The following WNT8A variants were observed in gnomAD, a reference collection of about 807,000 sequenced individuals.
WNT8A encodes the protein protein Wnt-8a.
In WNT8A, 14 loss-of-function variants were observed where a neutral mutation model predicts 20.5. The ratio of observed to expected loss-of-function variants is 0.68; its 90% CI spans 0.45 to 1.07. The LOEUF is 1.07. Ranked by LOEUF, WNT8A falls within the 50% of genes least tolerant of loss-of-function variation. The pLI is 0.00. For synonymous variants in WNT8A, 167 were observed against 169.2 expected (o/e 0.99, Z 0.10); for missense variants, 397 against 462.9 (o/e 0.86, Z 1.31).
At chr5:138,090,399 G>A (rs984405648) in intron 4 of WNT8A, 129 bp from the exon 5 acceptor site, 25 of 830,080 alleles carry the variant, frequency 3.0e-5, no homozygotes, top group South Asian at 1.1e-4. Context: ...AATATTTTTC[G>A]TGAGCTTCCC....
the WNT8A span, among the ~76,000 whole-genome samples, chr5:138,077,808 A>G: frequency 6.6e-6 from 1 of 152,102 alleles, no homozygotes; most frequent in South Asian, 2.1e-4. Context: ...ACACGTCCCT[A>G]TCCTTGGGCG....
chr5:138,089,170 C>T, intron 4 of WNT8A, 101 bp downstream of exon 4: 1 of 1,479,696 alleles, frequency 6.8e-7, no homozygotes, highest in South Asian at 1.4e-5. Context: ...CTCATACTAC[C>T]CAGCCAGATT....
upstream of WNT8A, among the ~76,000 whole-genome samples, chr5:138,080,452 T>G (rs111706108): frequency 3.1e-3 from 134 of 43,818 alleles, no homozygotes; most frequent in Middle Eastern, 0.017. Context: ...TTGTTTTTTT[T>G]TTTTTTTTTT....
upstream of WNT8A, among the ~76,000 whole-genome samples, chr5:138,079,885 T>G (rs1750459752): frequency 6.6e-6 from 1 of 152,216 alleles, no homozygotes; most frequent in Non-Finnish European, 1.5e-5. Flanking sequence ...AGGAAACCTC[T>G]GTCTGCAGTG....
chr5:138,090,562 G>C lies in WNT8A; in HGVS notation c.599G>C (p.Cys200Ser). 1 of 1,614,092 alleles carries C rather than the reference G, an allele frequency of 6.2e-7. No homozygotes were observed. The highest frequency in any genetic ancestry group is 8.5e-7 in the Non-Finnish European group (1 of 1,179,960). Residue 200 changes from cysteine (C) to serine (S), a missense_variant, in exon 5 of 5, where the codon TGT becomes TCT. Physicochemically the swap from Cys to Ser is moderately radical, Grantham distance 112. Transcript: ENST00000506684. ...GCCACCATGAAAAGGACATGCAAAT[G>C]TCATGGCATCTCTGGGAGCTGCAGC... ...VRATMKRTCK[C>S]HGISGSCSIQ...
chr5:138,087,479 C>A (rs1750703080), intron 2 of WNT8A, among the ~76,000 whole-genome samples: 1 of 151,262 alleles, frequency 6.6e-6, no homozygotes, highest in Non-Finnish European at 1.5e-5. Context: ...AAGGTGAAAC[C>A]CCATCTCTAC....
At chr5:138,092,035 G>A (rs4835763), downstream of WNT8A, 20,084 of 151,988 alleles carry the variant, frequency 0.13, 1,732 homozygotes, top group Non-Finnish European at 0.19. Flanking sequence ...CCCAGACAAG[G>A]TCCCACAAGA....
chr5:138,087,696 ACC>A, intron 2 of WNT8A, 108 bp from the exon 3 acceptor site: 1 of 1,040,308 alleles, frequency 9.6e-7, no homozygotes, highest in Non-Finnish European at 1.3e-6. Flanking sequence ...ATCCTCTTAA[ACC>A]CAAAGGAAGT....
rs150358968 is a variant in WNT8A, at chr5:138,091,187, T to C, written c.*114T>C. 2.9e-5 allele frequency: 44 copies of C among 1,540,502 alleles called. No homozygotes were observed. In the East Asian group the frequency reaches 9.3e-4, roughly 32 times the overall value. On this transcript the variant is annotated 3_prime_UTR_variant, in exon 5 of 5. Transcript: ENST00000506684. ...GGAAAATTGCAGTTTTGGTCTGTAG[T>C]CCTCATGATATCTGCTATCAGTGGG...
chr5:138,088,438 A>G (rs1265097501), intron 3 of WNT8A, among the ~76,000 whole-genome samples: 1 of 150,388 alleles, frequency 6.6e-6, no homozygotes, highest in Admixed American at 6.6e-5. Context: ...CTCACTGCAA[A>G]CTCCACCTCC....
At chr5:138,080,450 T>TTGTTTTTTG (rs763872418), upstream of WNT8A, among the ~76,000 whole-genome samples, 18 of 93,842 alleles carry the variant, frequency 1.9e-4, 1 homozygote, top group East Asian at 7.0e-4. Context: ...TCTTGTTTTT[T>TTGTTTTTTG]TTTTTTTTTT....
At chr5:138,088,879 G>A in intron 3 of WNT8A, 48 bp from the exon 4 acceptor site, 8 of 1,598,806 alleles carry the variant, frequency 5.0e-6, no homozygotes, top group Non-Finnish European at 6.8e-6. Context: ...GGGTGACTGG[G>A]ACTGAGCATG....
chr5:138,083,590 C>T (rs1368562158), upstream of WNT8A, among the ~76,000 whole-genome samples: 2 of 151,998 alleles, frequency 1.3e-5, no homozygotes, highest in African/African-American at 4.8e-5. Context: ...AGGAAGCAGC[C>T]CCAGATGGAG....
In WNT8A at chr5:138,091,477, C is replaced by T. The variant is rs117590397; in HGVS notation, c.*404C>T. The T allele has an allele frequency of 7.5e-4, 1,009 of 1,351,968 alleles. 15 individuals carry two copies. The East Asian group carries it at 0.029, about 39-fold the overall frequency. The allele number at this position is 1,351,968 out of a possible 1,614,324, so 83.7% of individuals were successfully genotyped here. ...GAATCAGGAGAATAGAAGCAAAAAA[C>T]GAAAGAGTTCTGTTCAGACTTCTGA... On this transcript the variant is annotated 3_prime_UTR_variant, in exon 5 of 5. Coordinates refer to ENST00000506684, the MANE Select transcript of WNT8A (RefSeq NM_001300939.2).
downstream of WNT8A, chr5:138,092,021 C>A (rs1374284735): frequency 1.3e-5 from 2 of 152,114 alleles, no homozygotes; most frequent in Non-Finnish European, 2.9e-5. Context: ...GTGACTATGA[C>A]CTACCCAGAC....
chr5:138,084,092 G>A lies in WNT8A; in HGVS notation c.-36G>A. The A allele has an allele frequency of 6.2e-7, 1 of 1,612,758 alleles. No individual in the cohort carries two copies. The highest frequency in any genetic ancestry group is 8.5e-7 in the Non-Finnish European group (1 of 1,179,040). On this transcript the variant is annotated 5_prime_UTR_variant, in exon 1 of 5. The change abolishes an upstream ATG in the 5' untranslated region. Coordinates refer to ENST00000506684, the MANE Select transcript of WNT8A (RefSeq NM_001300939.2). ...GGTCCACTGGGGTAGGCAGGGCGAT[G>A]GGGAACCTGTTTATGCTCTGGGCAG...
chr5:138,090,474 A>C, intron 4 of WNT8A, 54 bp from the exon 5 acceptor site: 1 of 1,494,536 alleles, frequency 6.7e-7, no homozygotes, highest in Non-Finnish European at 9.2e-7. Context: ...TTTAATCACT[A>C]ACCTTTGGTC....
chr5:138,090,768 T>C lies in WNT8A; in HGVS notation c.805T>C (p.Phe269Leu), dbSNP rs775455729. 5.6e-6 allele frequency: 9 copies of C among 1,614,054 alleles called. 1 individual carries two copies. In the Middle Eastern group the frequency reaches 6.6e-4, roughly 118 times the overall value. Reference protein sequence around the residue: ...FLPSAEAELIFLEESPDYCTC... With the variant: ...FLPSAEAELILLEESPDYCTC... ...TCCTAGCGCAGAGGCGGAACTGATC[T>C]TTTTAGAGGAATCACCAGATTACTG... Residue 269 changes from phenylalanine (F) to leucine (L), a missense_variant, in exon 5 of 5, where the codon TTT (phenylalanine) becomes CTT (leucine). By Grantham distance (22) the Phe-to-Leu change is conservative. Coordinates refer to ENST00000506684, the MANE Select transcript of WNT8A (RefSeq NM_001300939.2).
intron 3 of WNT8A, 127 bp downstream of exon 3, chr5:138,088,058 T>A: frequency 7.3e-7 from 1 of 1,370,334 alleles, no homozygotes; most frequent in Non-Finnish European, 9.8e-7. Context: ...AGCAACTCCT[T>A]CAATTGTAGG....
Sources: allele counts gnomAD v4.1 joint callset (sites outside exome capture counted in the v4.1 genomes callset), GRCh38; gene constraint gnomAD v4.1.1; transcripts MANE v1.5; gene names NCBI Gene and HGNC (gene_info 2026-07-23, HGNC 2026-07-21).